ANKRD50: variants seen among roughly 807,000 people sequenced by gnomAD.
The protein encoded by ANKRD50 is ankyrin repeat domain 50.
Under a neutral mutation model 112.0 loss-of-function variants are expected in ANKRD50, and 40 were observed. The ratio of observed to expected loss-of-function variants is 0.36; its 90% CI spans 0.28 to 0.46. ANKRD50 has a LOEUF of 0.46. Among genes scored for constraint, ANKRD50 ranks in the 20% least tolerant of loss-of-function variants. The probability of loss-of-function intolerance (pLI) is 1.00; values close to 1 mark genes in which losing one functional copy is unlikely to be tolerated. For synonymous variants in ANKRD50, 613 were observed against 619.1 expected, an observed-to-expected ratio of 0.99 and a Z score of 0.15; for missense variants, 1,487 against 1,701.7, an observed-to-expected ratio of 0.87 and a Z score of 2.22.
At position 124,666,399 on chromosome 4, in the gene ANKRD50, T is replaced by C. The variant is rs1730492287; in HGVS notation, c.*1119A>G. ...ATAAAAAGTACACATGTGCTATGATTGACAGGGGAGTGGTGTCATCTGTGA... is the reference window on the plus strand; with the variant it reads ...ATAAAAAGTACACATGTGCTATGATCGACAGGGGAGTGGTGTCATCTGTGA... On this transcript the variant is annotated 3_prime_UTR_variant, in exon 5 of 5. Coordinates refer to ENST00000504087, the MANE Select transcript of ANKRD50 (RefSeq NM_020337.3). 6.6e-6 allele frequency: 1 copy of C among 152,436 alleles called. No individual in the cohort carries two copies. The highest frequency in any genetic ancestry group is 2.1e-4 in the South Asian group (1 of 4,832). The allele number at this position is 152,436 out of a possible 1,614,324, so 9.4% of individuals were successfully genotyped here. A position where few individuals can be genotyped will look rare whatever the true frequency, so the allele number is the denominator to read the frequency against.
intron 2 of ANKRD50, among the ~76,000 whole-genome samples, chr4:124,680,347 G>C (rs1560822859): frequency 6.6e-6 from 1 of 152,156 alleles, no homozygotes; most frequent in South Asian, 2.1e-4. Flanking sequence ...ACTGTTCTCA[G>C]TGCTATAAGA....
Position 124,670,047 on chromosome 4 carries a change from A to C in ANKRD50, c.3230T>G (p.Phe1077Cys). 1.2e-6 allele frequency: 2 copies of C among 1,611,658 alleles called. No individual in the cohort carries two copies. The highest frequency in any genetic ancestry group is 1.7e-6 in the Non-Finnish European group (2 of 1,179,408). The change falls in exon 4 of 5, where the codon TTT (phenylalanine) becomes TGT (cysteine). Residue 1077 changes from phenylalanine to cysteine, a missense_variant. Transcript: ENST00000504087. ...HGADPNHADQ[F>C]GRTAMRVAAK... is the part of the protein sequence containing the mutation. Reference sequence around the variant, plus strand: ...TGCAACACGCATAGCAGTGCGTCCAAATTGATCAGCATGGTTTGGATCAGC... The same window carrying C: ...TGCAACACGCATAGCAGTGCGTCCACATTGATCAGCATGGTTTGGATCAGC...
intron 3 of ANKRD50, among the ~76,000 whole-genome samples, chr4:124,677,932 C>T (rs1223136569): frequency 6.6e-6 from 1 of 151,984 alleles, no homozygotes; most frequent in Non-Finnish European, 1.5e-5. Flanking sequence ...ATTTAAATTA[C>T]TAAACTTTTA....
At chr4:124,695,440 C>T (rs1382031195) in intron 2 of ANKRD50, among the ~76,000 whole-genome samples, 2 of 152,142 alleles carry the variant, frequency 1.3e-5, no homozygotes, top group African/African-American at 2.4e-5. Flanking sequence ...AGTTATATTC[C>T]TCTAAGCAAA....
chr4:124,707,900 A>G (rs3796684), intron 2 of ANKRD50, among the ~76,000 whole-genome samples: 1,757 of 152,298 alleles, frequency 0.012, 52 homozygotes, highest in East Asian at 0.08. Context: ...TACCATAGAG[A>G]AAGCTATGCT....
chr4:124,669,996 A>G lies in ANKRD50; in HGVS notation c.3281T>C (p.Ile1094Thr). The G allele has an allele frequency of 6.2e-7, 1 of 1,608,836 alleles. No homozygotes were observed. The highest frequency in any genetic ancestry group is 8.5e-7 in the Non-Finnish European group (1 of 1,178,828). Reference sequence around the variant, plus strand: ...TGCACCATATTTTTCTAATAATTTAATTATCTGAGAATGTCCATTTTTGGC... The same window carrying G: ...TGCACCATATTTTTCTAATAATTTAGTTATCTGAGAATGTCCATTTTTGGC... ...VAAKNGHSQI[I>T]KLLEKYGASS... Residue 1094 changes from isoleucine to threonine, a missense_variant, in exon 4 of 5, where the codon ATT (isoleucine) becomes ACT (threonine). By Grantham distance (89) the Ile-to-Thr change is moderately conservative. Coordinates refer to ENST00000504087, the MANE Select transcript of ANKRD50 (RefSeq NM_020337.3).
chr4:124,671,133 G>A lies in ANKRD50; in HGVS notation c.2144C>T (p.Ser715Phe). 1 of 1,613,798 alleles carries A rather than the reference G, an allele frequency of 6.2e-7. No homozygotes were observed. The highest frequency in any genetic ancestry group is 8.5e-7 in the Non-Finnish European group (1 of 1,179,852). The change falls in exon 4 of 5, where the codon TCT becomes TTT. Residue 715 changes from serine (S) to phenylalanine (F), a missense_variant. Transcript: ENST00000504087. ...TGCAGGCACACAAAGTGCAGCTACA[G>A]AGAGTGCAGTCCTGCCATCAACATC... is the stretch of plus-strand genomic sequence containing the variant. ...HEDVDGRTAL[S>F]VAALCVPASK... is the part of the protein sequence containing the mutation.
In ANKRD50 at chr4:124,671,786, T is replaced by C; in HGVS notation, c.1491A>G (p.Leu497=). 1 of 1,613,926 alleles carries C rather than the reference T, an allele frequency of 6.2e-7. No individual in the cohort carries two copies. The highest frequency in any genetic ancestry group is 8.5e-7 in the Non-Finnish European group (1 of 1,179,862). The change falls in exon 4 of 5, where the codon CTA becomes CTG. Residue 497 remains leucine (L), a synonymous_variant. Coordinates refer to ENST00000504087, the MANE Select transcript of ANKRD50 (RefSeq NM_020337.3). ...STLIPKEQEV[L]QLLVKAGAHV... is the part of the protein sequence containing the mutation. Reference sequence around the variant, plus strand: ...GAGCCCCAGCTTTAACCAACAGCTGTAGCACTTCTTGTTCCTTGGGTATCA... The same window carrying C: ...GAGCCCCAGCTTTAACCAACAGCTGCAGCACTTCTTGTTCCTTGGGTATCA...
chr4:124,670,636 G>A lies in ANKRD50; in HGVS notation c.2641C>T (p.Arg881Ter), dbSNP rs758221035. 3 of 1,613,406 alleles carry A rather than the reference G, an allele frequency of 1.9e-6. No individual in the cohort carries two copies. Among genetic ancestry groups the A allele is most frequent in the Non-Finnish European group, 1.7e-6 (2 of 1,179,780 alleles). Residue 881 changes from arginine to a stop codon, truncating the protein, a stop_gained, in exon 4 of 5, where the codon CGA (arginine) becomes TGA (stop). Coordinates refer to ENST00000504087, the MANE Select transcript of ANKRD50 (RefSeq NM_020337.3). LOFTEE classifies it high-confidence loss of function. Reference protein sequence around the residue: ...ARTNEIDNDGRIPFILASQEG... With the variant: ...ARTNEIDNDG ...TGTGAAGCTAATATGAAAGGGATTC[G>A]TCCATCATTGTCAATCTCATTTGTT...
chr4:124,679,175 T>C (rs1233315666), intron 2 of ANKRD50, among the ~76,000 whole-genome samples: 3 of 152,240 alleles, frequency 2.0e-5, no homozygotes, highest in South Asian at 4.1e-4. Flanking sequence ...GCATTCAGAA[T>C]TGAAGAAAAC....
chr4:124,709,680 T>C (rs1167449410), intron 2 of ANKRD50, among the ~76,000 whole-genome samples: 2 of 152,058 alleles, frequency 1.3e-5, no homozygotes, highest in Non-Finnish European at 2.9e-5. Context: ...ATGTAACCTA[T>C]TTCCAGACAG....
chr4:124,712,306 G>T (rs1725654980), intron 1 of ANKRD50, among the ~76,000 whole-genome samples, 152 bp downstream of exon 1: 1 of 151,990 alleles, frequency 6.6e-6, no homozygotes, highest in Non-Finnish European at 1.5e-5. Context: ...CTCCCACCCG[G>T]CCGACGGCGG....
chr4:124,709,358 A>G (rs915639362), intron 2 of ANKRD50, among the ~76,000 whole-genome samples: 2 of 152,160 alleles, frequency 1.3e-5, no homozygotes, highest in Admixed American at 1.3e-4. Context: ...CATGGAAAAA[A>G]AGCTTTGCTG....
chr4:124,684,925 A>G (rs1258914612), intron 2 of ANKRD50, among the ~76,000 whole-genome samples: 1 of 152,024 alleles, frequency 6.6e-6, no homozygotes, highest in African/African-American at 2.4e-5. Context: ...TCTAACACTG[A>G]GCTTTTTTCT....
Position 124,710,296 on chromosome 4 carries a change from A to G in ANKRD50, c.216T>C (p.Gly72=). 2 of 1,613,886 alleles carry G rather than the reference A, an allele frequency of 1.2e-6. No individual in the cohort carries two copies. The highest frequency in any genetic ancestry group is 1.7e-6 in the Non-Finnish European group (2 of 1,179,956). ...SGVSGKGAAW[G]VLLVGGPGSG... ...TGCCAGGCCCTCCTACCAACAACAC[A>G]CCCCAGGCAGCTCCCTTTCCAGAGA... The change falls in exon 2 of 5, where the codon GGT becomes GGC. Residue 72 remains glycine, a synonymous_variant. Coordinates refer to ENST00000504087, the MANE Select transcript of ANKRD50 (RefSeq NM_020337.3).
At chr4:124,698,874 C>G (rs980745300) in intron 2 of ANKRD50, among the ~76,000 whole-genome samples, 2 of 151,934 alleles carry the variant, frequency 1.3e-5, no homozygotes, top group Non-Finnish European at 2.9e-5. Flanking sequence ...TAATTTTTTT[C>G]AATTTTTCTT....
At chr4:124,696,929 C>G (rs1209105999) in intron 2 of ANKRD50, among the ~76,000 whole-genome samples, 2 of 152,120 alleles carry the variant, frequency 1.3e-5, no homozygotes, top group Non-Finnish European at 2.9e-5. Flanking sequence ...TCATATCAAT[C>G]TTGAAACATA....
In ANKRD50 at chr4:124,669,836, C is replaced by A. The variant is rs778764505; in HGVS notation, c.3441G>T (p.Gln1147His). 1 of 1,612,758 alleles carries A rather than the reference C, an allele frequency of 6.2e-7. No homozygotes were observed. Among genetic ancestry groups the A allele is most frequent in the South Asian group, 1.1e-5 (1 of 90,784 alleles). Residue 1147 changes from glutamine to histidine, a missense_variant, in exon 4 of 5, where the codon CAG becomes CAT. By Grantham distance (24) the Gln-to-His change is conservative. Transcript: ENST00000504087. The part of the protein sequence containing the change: ...SSGSTGGGDM[Q>H]PSLRGLPNGP... The stretch of plus-strand genomic sequence containing the variant: ...CATTAGGTAAACCACGTAACGAAGG[C>A]TGCATATCCCCTCCACCAGTACTAC...
rs1299996798 is a variant in ANKRD50, at chr4:124,666,080, T to C, written c.*1438A>G. 2 of 152,070 alleles carry C rather than the reference T, an allele frequency of 1.3e-5. No homozygotes were observed. The highest frequency in any genetic ancestry group is 4.8e-5 in the African/African-American group (2 of 41,410). The allele number at this position is 152,070 out of a possible 1,614,324, so 9.4% of individuals were successfully genotyped here. On this transcript the variant is annotated 3_prime_UTR_variant, in exon 5 of 5. Transcript: ENST00000504087. ...ACATGAAAAGAACAGAATTTCTGGG[T>C]TCTATAAGATTAACAGGCCCATTCT...
Sources: gnomAD v4.1 joint callset for allele counts (sites outside exome capture counted in the v4.1 genomes callset) on GRCh38, gnomAD v4.1.1 for gene constraint, MANE v1.5 for transcripts, NCBI Gene and HGNC (gene_info 2026-07-23, HGNC 2026-07-21) for gene names.